Variants in TMTC2 observed in about 807,000 individuals in gnomAD.
TMTC2 encodes protein O-mannosyl-transferase TMTC2.
TMTC2 carries 43 observed loss-of-function variants against 82.4 expected under a neutral mutation model. The ratio of observed to expected loss-of-function variants is 0.52; its 90% CI spans 0.41 to 0.67. The LOEUF is 0.67. Among genes scored for constraint, TMTC2 ranks in the 30% least tolerant of loss-of-function variants. The pLI is 0.00. For missense variants in TMTC2, 919 were observed against 1,012.4 expected, an observed-to-expected ratio of 0.91 and a Z score of 1.25; for synonymous variants, 408 against 381.9, an observed-to-expected ratio of 1.07 and a Z score of -0.80.
chr12:82,807,977 G>A (rs568576208), intron 1 of TMTC2, among the ~76,000 whole-genome samples: 4 of 151,890 alleles, frequency 2.6e-5, no homozygotes, highest in African/African-American at 9.6e-5. Context: ...AAATTTTTAG[G>A]TTTTATTTGA....
At chr12:83,048,698 T>C (rs1260601664) in intron 9 of TMTC2, among the ~76,000 whole-genome samples, 1 of 152,246 alleles carries the variant, frequency 6.6e-6, no homozygotes, top group African/African-American at 2.4e-5. Flanking sequence ...TGACAAGGTC[T>C]CACTCTGTCG....
At chr12:83,020,280 T>A (rs1023769641) in intron 8 of TMTC2, among the ~76,000 whole-genome samples, 5 of 152,116 alleles carry the variant, frequency 3.3e-5, no homozygotes, top group Admixed American at 6.6e-5. Flanking sequence ...ACATGGTAGG[T>A]GCCCAACAAA....
intron 1 of TMTC2, among the ~76,000 whole-genome samples, chr12:82,692,028 G>A (rs955618972): frequency 2.0e-5 from 3 of 152,124 alleles, no homozygotes; most frequent in Non-Finnish European, 2.9e-5. Context: ...TCATTTTGCT[G>A]TTTTGAATAA....
chr12:83,005,956 A>G (rs945635345), intron 8 of TMTC2, among the ~76,000 whole-genome samples: 7 of 152,100 alleles, frequency 4.6e-5, no homozygotes, highest in African/African-American at 1.4e-4. Context: ...GCCTATTACC[A>G]TATTTTGTTG....
intron 1 of TMTC2, among the ~76,000 whole-genome samples, chr12:82,828,275 G>T (rs566270585): frequency 7.0e-6 from 1 of 143,438 alleles, no homozygotes; most frequent in South Asian, 2.2e-4. Flanking sequence ...GTACAGTGGC[G>T]TGATCTCGGC....
intron 11 of TMTC2, among the ~76,000 whole-genome samples, chr12:83,104,654 A>G (rs933270740): frequency 2.6e-5 from 4 of 152,188 alleles, no homozygotes; most frequent in Non-Finnish European, 5.9e-5. Context: ...TCTTGAACCC[A>G]GTCTTTCTTC....
chr12:82,847,712 G>A (rs142928944), intron 1 of TMTC2, among the ~76,000 whole-genome samples: 59 of 151,942 alleles, frequency 3.9e-4, no homozygotes, highest in African/African-American at 1.4e-3. Context: ...ACCAAATACC[G>A]CATGTTCTTA....
Position 82,797,301 on chromosome 12 carries a change from G to A in TMTC2, c.84-59709G>A, listed in dbSNP as rs150309226. 5.5e-4 allele frequency among the ~76,000 whole-genome samples: 83 copies of A among 152,140 alleles called. No homozygotes were observed. The East Asian group carries it at 0.014, about 26-fold the overall frequency. On this transcript the variant is annotated intron_variant, in intron 1 of 11. Transcript: ENST00000321196. ...TTGCTAATTACAATTTTAATAAAAC[G>A]TGTGGGAGGCTGTCTTCACATTAAT... is the stretch of plus-strand genomic sequence containing the variant.
chr12:83,093,768 T>A (rs1883925040), intron 11 of TMTC2, among the ~76,000 whole-genome samples: 1 of 152,134 alleles, frequency 6.6e-6, no homozygotes, highest in African/African-American at 2.4e-5. Flanking sequence ...GAAGATGAAT[T>A]TTTTTCCTCT....
chr12:83,072,503 T>C (rs1335599983), intron 11 of TMTC2, among the ~76,000 whole-genome samples: 2 of 152,198 alleles, frequency 1.3e-5, no homozygotes, highest in African/African-American at 4.8e-5. Context: ...ATGTTCTGTA[T>C]ATATCTGTTA....
rs548832826 is a variant in TMTC2, at chr12:82,901,550, C to T, written c.1483+4904C>T. ...AACTCCTGACCTCGTGATCCACCCG[C>T]CTCGGCCTCCCAAAGTGCTGGGATT... On this transcript the variant is annotated intron_variant, in intron 3 of 11. Coordinates refer to ENST00000321196, the MANE Select transcript of TMTC2 (RefSeq NM_152588.3). Among the ~76,000 whole-genome samples, 3 of 151,922 alleles carry T rather than the reference C, an allele frequency of 2.0e-5. No homozygotes were observed. The East Asian group carries it at 5.8e-4, about 30-fold the overall frequency.
At chr12:82,981,519 A>G (rs1007590147) in intron 7 of TMTC2, among the ~76,000 whole-genome samples, 1 of 151,938 alleles carries the variant, frequency 6.6e-6, no homozygotes, top group East Asian at 1.9e-4. Flanking sequence ...AATCTGGGTG[A>G]TGAACCTGAT....
At chr12:82,979,009 T>C (rs1655611) in intron 7 of TMTC2, among the ~76,000 whole-genome samples, 144,328 of 151,876 alleles carry the variant, frequency 0.95, 68,637 homozygotes, top group East Asian at 1. Flanking sequence ...TACTTCTGCT[T>C]TTTTTTGCTT....
chr12:83,125,615 C>T (rs904235603), intron 11 of TMTC2, among the ~76,000 whole-genome samples: 2 of 152,162 alleles, frequency 1.3e-5, no homozygotes, highest in African/African-American at 4.8e-5. Flanking sequence ...AGCTTTTTCA[C>T]ATTTTGGAAT....
In TMTC2 at chr12:83,093,930, A is replaced by G. The variant is rs147498828; in HGVS notation, c.2331+32099A>G. Among the ~76,000 whole-genome samples, 837 of 152,264 alleles carry G rather than the reference A, an allele frequency of 5.5e-3. 10 individuals carry two copies. Among genetic ancestry groups the G allele is most frequent in the African/African-American group, 0.019 (805 of 41,564 alleles). Reference sequence around the variant, plus strand: ...GACAACAATTAATAATCAAAGAAATATGAACCATACTGAGGGCTAAAAACA... The same window carrying G: ...GACAACAATTAATAATCAAAGAAATGTGAACCATACTGAGGGCTAAAAACA... On this transcript the variant is annotated intron_variant, in intron 11 of 11. Transcript: ENST00000321196.
chr12:83,117,758 T>C (rs1884810282), intron 11 of TMTC2, among the ~76,000 whole-genome samples: 1 of 152,190 alleles, frequency 6.6e-6, no homozygotes. Context: ...ATGGTCATTT[T>C]CACAATATTG....
chr12:82,893,344 C>T lies in TMTC2; in HGVS notation c.655-2474C>T, dbSNP rs554331492. Among the ~76,000 whole-genome samples, 6 of 147,884 alleles carry T rather than the reference C, an allele frequency of 4.1e-5. No homozygotes were observed. The East Asian group carries it at 1.2e-3, about 30-fold the overall frequency. On this transcript the variant is annotated intron_variant, in intron 2 of 11. Transcript: ENST00000321196. Reference sequence around the variant, plus strand: ...TGAGATCATGCCACTGCACTTCAGCCTGGCGACAGAGCAAGACTCTATCTC... The same window carrying T: ...TGAGATCATGCCACTGCACTTCAGCTTGGCGACAGAGCAAGACTCTATCTC...
rs200729312 is a variant in TMTC2, at chr12:83,069,777, GT to G, written c.2331+7956del. Among the ~76,000 whole-genome samples the G allele has an allele frequency of 4.0e-4, 58 of 146,534 alleles. No individual in the cohort carries two copies. The East Asian group carries it at 5.6e-3, about 14-fold the overall frequency. ...GGTCATGAAATCCTTGCCTAGAAGG[GT>G]TTTTTTTTTCAATATTATCTTTTAG... On this transcript the variant is annotated intron_variant, in intron 11 of 11. Transcript: ENST00000321196.
Position 82,910,429 on chromosome 12 carries a change from T to C in TMTC2, c.1483+13783T>C, listed in dbSNP as rs139395325. ...ACGGCAGTGCCTAGGGGGTGAATGT[T>C]TACAGCTACTGAAGCCCCAGTGGGC... On this transcript the variant is annotated intron_variant, in intron 3 of 11. Coordinates refer to ENST00000321196, the MANE Select transcript of TMTC2 (RefSeq NM_152588.3). Among the ~76,000 whole-genome samples the C allele has an allele frequency of 8.4e-4, 128 of 152,264 alleles. 1 individual carries two copies. Among genetic ancestry groups the C allele is most frequent in the Middle Eastern group, 3.4e-3 (1 of 294 alleles).
Sources: gnomAD v4.1 joint callset for allele counts (sites outside exome capture counted in the v4.1 genomes callset) on GRCh38, gnomAD v4.1.1 for gene constraint, MANE v1.5 for transcripts, NCBI Gene and HGNC (gene_info 2026-07-23, HGNC 2026-07-21) for gene names.